The following ZNF385D variants were observed in gnomAD, a reference collection of about 807,000 sequenced individuals.
ZNF385D encodes zinc finger protein 659.
Under a neutral mutation model 35.8 loss-of-function variants are expected in ZNF385D, and 15 were observed. The ratio of observed to expected loss-of-function variants is 0.42; its 90% CI spans 0.28 to 0.64. The LOEUF (loss-of-function observed/expected upper bound fraction) is 0.64. Ranked by LOEUF, ZNF385D falls within the 30% of genes least tolerant of loss-of-function variation. ZNF385D has a pLI of 0.23. For missense variants in ZNF385D, 474 were observed against 494.6 expected, an observed-to-expected ratio of 0.96 and a Z score of 0.39; for synonymous variants, 212 against 186.8, an observed-to-expected ratio of 1.13 and a Z score of -1.10.
intron 2 of ZNF385D, among the ~76,000 whole-genome samples, chr3:22,367,531 C>T (rs1445678406): frequency 1.3e-5 from 2 of 152,026 alleles, no homozygotes; most frequent in Admixed American, 6.6e-5. Flanking sequence ...ATCTGGATGG[C>T]TTTAGGAAAC....
chr3:21,653,766 A>G (rs1201967727), intron 2 of ZNF385D, among the ~76,000 whole-genome samples: 1 of 151,814 alleles, frequency 6.6e-6, no homozygotes, highest in Non-Finnish European at 1.5e-5. Flanking sequence ...AAGTAGAACT[A>G]TCCGGAAAAA....
chr3:21,684,396 CTCTCTCTCCTCTCTCTCT>C (rs2067027183), intron 1 of ZNF385D, among the ~76,000 whole-genome samples: 1 of 83,336 alleles, frequency 1.2e-5, no homozygotes, highest in African/African-American at 6.1e-5. Flanking sequence ...CTCTCTCTCT[CTCTCTCTCCTCTCTCTCT>C]CTCTCTCTCT....
At chr3:21,743,507 G>C (rs1342172790) in intron 1 of ZNF385D, among the ~76,000 whole-genome samples, 1 of 152,226 alleles carries the variant, frequency 6.6e-6, no homozygotes, top group Non-Finnish European at 1.5e-5. Flanking sequence ...TGGAGGCTGG[G>C]CAGTCCAAGT....
At chr3:21,701,721 G>A (rs1428097822) in intron 1 of ZNF385D, among the ~76,000 whole-genome samples, 1 of 152,120 alleles carries the variant, frequency 6.6e-6, no homozygotes, top group Non-Finnish European at 1.5e-5. Flanking sequence ...AGGGGTACAG[G>A]TATTAGATAA....
At chr3:22,302,997 A>C (rs1702989598) in intron 2 of ZNF385D, among the ~76,000 whole-genome samples, 1 of 152,222 alleles carries the variant, frequency 6.6e-6, no homozygotes, top group Non-Finnish European at 1.5e-5. Flanking sequence ...TCTAATTTCA[A>C]AATTTGAAAG....
chr3:21,836,619 C>A (rs2630791), intron 3 of ZNF385D, among the ~76,000 whole-genome samples: 1 of 152,040 alleles, frequency 6.6e-6, no homozygotes, highest in African/African-American at 2.4e-5. Context: ...CTATCACAGC[C>A]ACTCAACTCT....
chr3:22,091,514 G>A (rs1004401193), intron 3 of ZNF385D, among the ~76,000 whole-genome samples: 2 of 152,084 alleles, frequency 1.3e-5, no homozygotes, highest in Non-Finnish European at 2.9e-5. Context: ...CTTCGGCAGT[G>A]TCCACTGAAC....
At chr3:21,840,522 A>G (rs1226951803) in intron 3 of ZNF385D, among the ~76,000 whole-genome samples, 1 of 151,898 alleles carries the variant, frequency 6.6e-6, no homozygotes, top group African/African-American at 2.4e-5. Context: ...TATGCCCAAT[A>G]CTAAAGATTT....
intron 3 of ZNF385D, chr3:21,957,285 G>C (rs912282805): frequency 1.3e-5 from 2 of 153,134 alleles, no homozygotes; most frequent in African/African-American, 2.4e-5. Context: ...TAGTAAATTG[G>C]TACCGGGAGT....
At chr3:21,711,166 C>T (rs887519866) in intron 1 of ZNF385D, among the ~76,000 whole-genome samples, 5 of 150,144 alleles carry the variant, frequency 3.3e-5, no homozygotes, top group African/African-American at 1.2e-4. Flanking sequence ...CTCAGCCTCC[C>T]GAGTAGCTGG....
intron 1 of ZNF385D, among the ~76,000 whole-genome samples, chr3:21,665,977 C>A (rs1487994676): frequency 6.6e-6 from 1 of 152,192 alleles, no homozygotes; most frequent in African/African-American, 2.4e-5. Context: ...TAAAAACCTG[C>A]TGGTGAGAAT....
intron 3 of ZNF385D, among the ~76,000 whole-genome samples, chr3:22,063,026 G>T (rs1699766847): frequency 6.6e-6 from 1 of 151,926 alleles, no homozygotes; most frequent in Non-Finnish European, 1.5e-5. Flanking sequence ...AAATTACACG[G>T]GATAATTTTT....
intron 3 of ZNF385D, among the ~76,000 whole-genome samples, chr3:21,557,097 A>G (rs534398923): frequency 3.9e-5 from 6 of 152,318 alleles, no homozygotes; most frequent in African/African-American, 1.4e-4. Context: ...TAAATATACA[A>G]TCATGTCATC....
rs1226697437 is a variant in ZNF385D at position 21,419,169 on chromosome 3, C to G, written c.*2045G>C. On this transcript the variant is annotated 3_prime_UTR_variant, in exon 8 of 8. Transcript: ENST00000281523. ...TTCCTTTTCTTCCCTTCCCCATCTC[C>G]TTTCCTTCCTTCCTTCCCTCCTTTC... is the stretch of plus-strand genomic sequence containing the variant. 4.5e-5 allele frequency: 7 copies of G among 153,928 alleles called. No homozygotes were observed. The highest frequency in any genetic ancestry group is 1.0e-4 in the Non-Finnish European group (7 of 68,730). The allele number at this position is 153,928 out of a possible 1,614,324, so 9.5% of individuals were successfully genotyped here.
chr3:22,245,103 A>AT (rs1437966682), intron 2 of ZNF385D, among the ~76,000 whole-genome samples: 3 of 152,186 alleles, frequency 2.0e-5, no homozygotes, highest in African/African-American at 7.2e-5. Flanking sequence ...GAAATACCAT[A>AT]TATTGCCTTC....
intron 4 of ZNF385D, among the ~76,000 whole-genome samples, chr3:21,509,720 A>G (rs985791884): frequency 1.3e-5 from 2 of 152,198 alleles, no homozygotes; most frequent in African/African-American, 4.8e-5. Context: ...TACAAAGATG[A>G]GACATGTATT....
intron 2 of ZNF385D, among the ~76,000 whole-genome samples, chr3:21,615,417 G>A (rs924040556): frequency 1.3e-5 from 2 of 152,136 alleles, no homozygotes; most frequent in African/African-American, 4.8e-5. Context: ...CCCAGGCTCA[G>A]GTATTTGTTA....
intron 3 of ZNF385D, among the ~76,000 whole-genome samples, chr3:21,864,695 G>A (rs961282842): frequency 8.6e-5 from 13 of 152,008 alleles, no homozygotes; most frequent in African/African-American, 3.1e-4. Flanking sequence ...TTTTTGCTAT[G>A]GGTTTGCCTG....
At chr3:21,954,547 C>T (rs1362003146) in intron 3 of ZNF385D, among the ~76,000 whole-genome samples, 1 of 151,908 alleles carries the variant, frequency 6.6e-6, no homozygotes, top group South Asian at 2.1e-4. Context: ...GACCCCTAGG[C>T]CAAAAGAAAT....
Sources: allele counts gnomAD v4.1 joint callset (sites outside exome capture counted in the v4.1 genomes callset), GRCh38; gene constraint gnomAD v4.1.1; transcripts MANE v1.5; gene names NCBI Gene and HGNC (gene_info 2026-07-23, HGNC 2026-07-21).